The following MAP4K4 variants were observed in gnomAD, a reference collection of about 807,000 sequenced individuals.
MAP4K4 encodes the protein mitogen-activated protein kinase kinase kinase kinase 4.
Under a neutral mutation model 189.6 loss-of-function variants are expected in MAP4K4, and 38 were observed. The observed-to-expected ratio is 0.20, with a 90% CI of 0.15 to 0.26. The LOEUF (loss-of-function observed/expected upper bound fraction) is 0.26. Ranked by LOEUF, MAP4K4 falls within the 10% of genes least tolerant of loss-of-function variation. The probability of loss-of-function intolerance (pLI) is 1.00; values close to 1 mark genes in which losing one functional copy is unlikely to be tolerated. For synonymous variants in MAP4K4, 610 were observed against 624.3 expected (o/e 0.98, Z 0.34); for missense variants, 1,054 against 1,726.9 (o/e 0.61, Z 6.91).
chr2:101,864,186 C>A (rs1238755525), intron 17 of MAP4K4, 135 bp downstream of exon 17: 4 of 380,908 alleles, frequency 1.1e-5, no homozygotes, highest in South Asian at 8.1e-5. Flanking sequence ...GGACTTTTTA[C>A]TGGTGAGGAT....
chr2:101,864,098 A>ATT, intron 17 of MAP4K4, 47 bp downstream of exon 17: 1 of 1,083,264 alleles, frequency 9.2e-7, no homozygotes, highest in Non-Finnish European at 1.2e-6. Flanking sequence ...CCTTTTTGTT[A>ATT]TTTTTTTTTA....
At chr2:101,791,179 C>T (rs1278578225) in intron 3 of MAP4K4, among the ~76,000 whole-genome samples, 1 of 152,076 alleles carries the variant, frequency 6.6e-6, no homozygotes, top group African/African-American at 2.4e-5. Flanking sequence ...TGTGCCATTT[C>T]TTTTATTTTT....
At position 101,869,804 on chromosome 2, in the gene MAP4K4, C is replaced by T. The variant is rs938721401; in HGVS notation, c.2639+7C>T. On this transcript the variant is annotated splice_region_variant and intron_variant, in intron 22 of 32. Coordinates refer to ENST00000324219, the Ensembl canonical transcript of MAP4K4. ...CAGAGGACACCAGAGCAGCGTCAGT[C>T]CCCGGTCTCTTTTAGAGCGGATGAG... The T allele has an allele frequency of 1.3e-5, 20 of 1,539,520 alleles. No individual in the cohort carries two copies. The African/African-American group carries it at 2.5e-4, about 19-fold the overall frequency.
chr2:101,870,253 C>G, intron 22 of MAP4K4, 42 bp from the exon 23 acceptor site: 2 of 1,601,908 alleles, frequency 1.2e-6, no homozygotes, highest in Non-Finnish European at 1.7e-6. Flanking sequence ...CTCCTTGACT[C>G]CAGAGATTAA....
At chr2:101,878,862 A>G (rs942691493) in intron 27 of MAP4K4, among the ~76,000 whole-genome samples, 4 of 152,206 alleles carry the variant, frequency 2.6e-5, no homozygotes, top group Non-Finnish European at 1.5e-5. Flanking sequence ...CTTCTAATAT[A>G]TGCTTTGGTT....
exon 22 of MAP4K4, chr2:101,869,650 G>A (rs559473846): frequency 2.5e-6 from 4 of 1,610,292 alleles, no homozygotes; most frequent in East Asian, 2.2e-5. Context: ...AAAGAGCTTC[G>A]AGCAGTGGAA....
At chr2:101,820,137 GA>G (rs1167217110) in intron 3 of MAP4K4, among the ~76,000 whole-genome samples, 3 of 152,076 alleles carry the variant, frequency 2.0e-5, no homozygotes, top group East Asian at 1.9e-4. Context: ...GTCACTAAAA[GA>G]AAAAAATATA....
rs574785563 is a variant in MAP4K4 at position 101,785,331 on chromosome 2, G to A, written c.124-5389G>A. ...GTGCACTTTCTTGCTAAGATGTGAG[G>A]TGGTGGCACCATTTAATAGCAAGGC... On this transcript the variant is annotated intron_variant, in intron 2 of 32. Coordinates refer to ENST00000324219, the Ensembl canonical transcript of MAP4K4. 6.6e-5 allele frequency among the ~76,000 whole-genome samples: 10 copies of A among 152,326 alleles called. No individual in the cohort carries two copies. The South Asian group carries it at 2.1e-3, about 32-fold the overall frequency.
intron 13 of MAP4K4, among the ~76,000 whole-genome samples, chr2:101,857,485 C>T (rs1222230762): frequency 6.6e-6 from 1 of 152,160 alleles, no homozygotes; most frequent in African/African-American, 2.4e-5. Flanking sequence ...AGTGTACTGA[C>T]TTGATCTTTC....
chr2:101,769,827 C>T (rs1398604925), intron 2 of MAP4K4, among the ~76,000 whole-genome samples: 2 of 152,030 alleles, frequency 1.3e-5, no homozygotes, highest in East Asian at 3.9e-4. Flanking sequence ...GGTGATCCAC[C>T]CACCTTGGCC....
intron 9 of MAP4K4, among the ~76,000 whole-genome samples, chr2:101,837,726 A>G (rs2149500957): frequency 6.6e-6 from 1 of 152,248 alleles, no homozygotes; most frequent in African/African-American, 2.4e-5. Context: ...TTTTGTTGAC[A>G]GAAGTCTATA....
intron 2 of MAP4K4, among the ~76,000 whole-genome samples, chr2:101,748,506 G>A (rs13405199): frequency 0.019 from 2,852 of 152,242 alleles, 87 homozygotes; most frequent in African/African-American, 0.064. Context: ...CAACAAGACT[G>A]CTTTCAGAAA....
At chr2:101,808,043 A>G (rs764926516) in intron 3 of MAP4K4, among the ~76,000 whole-genome samples, 2 of 152,244 alleles carry the variant, frequency 1.3e-5, no homozygotes, top group Non-Finnish European at 2.9e-5. Context: ...GCTTCTTCAC[A>G]GTAAAGCCCA....
intron 2 of MAP4K4, among the ~76,000 whole-genome samples, chr2:101,746,686 C>T (rs919426269): frequency 3.3e-5 from 5 of 151,968 alleles, no homozygotes; most frequent in Admixed American, 6.6e-5. Flanking sequence ...TTTAAGCTCA[C>T]GTTAAAACTA....
intron 22 of MAP4K4, 81 bp downstream of exon 22, chr2:101,869,878 CTA>C (rs1211016388): frequency 2.1e-5 from 31 of 1,448,278 alleles, no homozygotes; most frequent in Admixed American, 2.8e-5. Context: ...TGTTCCTAGA[CTA>C]TTCCGTGACC....
intron 2 of MAP4K4, among the ~76,000 whole-genome samples, chr2:101,763,589 C>CT (rs2077356825): frequency 6.6e-6 from 1 of 152,180 alleles, no homozygotes; most frequent in Admixed American, 6.5e-5. Context: ...CTTGCATCTT[C>CT]TAGCAAAAGG....
chr2:101,836,306 G>A (rs928956908), intron 9 of MAP4K4, among the ~76,000 whole-genome samples: 21 of 152,128 alleles, frequency 1.4e-4, no homozygotes, highest in African/African-American at 3.6e-4. Flanking sequence ...GAAAGCGACC[G>A]GGCGCGGTGG....
intron 26 of MAP4K4, among the ~76,000 whole-genome samples, chr2:101,874,822 T>C (rs1559296713): frequency 6.6e-6 from 1 of 152,108 alleles, no homozygotes; most frequent in Non-Finnish European, 1.5e-5. Flanking sequence ...TGGAAATATA[T>C]CATGGAGAAG....
chr2:101,706,834 T>A (rs2042575000), intron 2 of MAP4K4, among the ~76,000 whole-genome samples: 1 of 152,210 alleles, frequency 6.6e-6, no homozygotes, highest in African/African-American at 2.4e-5. Flanking sequence ...ATATGGGTAT[T>A]AAGGTTTTAA....
Sources: allele counts gnomAD v4.1 joint callset (sites outside exome capture counted in the v4.1 genomes callset), GRCh38; gene constraint gnomAD v4.1.1; transcripts MANE v1.5; gene names NCBI Gene and HGNC (gene_info 2026-07-23, HGNC 2026-07-21).